Variants in TIAM2 observed in about 807,000 individuals in gnomAD.
The protein encoded by TIAM2 is rho guanine nucleotide exchange factor TIAM2.
A neutral mutation model predicts 152.9 loss-of-function variants in TIAM2; 80 were observed. The ratio of observed to expected loss-of-function variants is 0.52; its 90% CI spans 0.44 to 0.63. The LOEUF (loss-of-function observed/expected upper bound fraction) is 0.63. TIAM2 is among the 30% of genes least tolerant of loss of function. The probability of loss-of-function intolerance (pLI) is 0.00; values close to 1 mark genes in which losing one functional copy is unlikely to be tolerated. For missense variants in TIAM2, 1,965 were observed against 2,120.1 expected, an observed-to-expected ratio of 0.93 and a Z score of 1.44; for synonymous variants, 804 against 838.0, an observed-to-expected ratio of 0.96 and a Z score of 0.70.
intron 1 of TIAM2, among the ~76,000 whole-genome samples, chr6:155,028,844 G>T: frequency 7.8e-6 from 1 of 128,432 alleles, no homozygotes; most frequent in African/African-American, 2.9e-5. Context: ...TATATACTAT[G>T]TTATATATAC....
At chr6:155,096,764 C>T (rs556120934) in intron 2 of TIAM2, among the ~76,000 whole-genome samples, 2 of 152,144 alleles carry the variant, frequency 1.3e-5, no homozygotes, top group South Asian at 4.1e-4. Context: ...TTGATGGGTA[C>T]TTAGGTTGAT....
At chr6:155,108,937 T>C (rs1229988949) in intron 2 of TIAM2, among the ~76,000 whole-genome samples, 1 of 152,220 alleles carries the variant, frequency 6.6e-6, no homozygotes, top group African/African-American at 2.4e-5. Context: ...TTCCCTTATG[T>C]GATTATAATA....
At chr6:155,171,235 G>A (rs1780579864) in intron 9 of TIAM2, among the ~76,000 whole-genome samples, 1 of 152,176 alleles carries the variant, frequency 6.6e-6, no homozygotes, top group African/African-American at 2.4e-5. Context: ...TGTTAAGTCT[G>A]GAATAAAGCC....
chr6:155,064,685 C>G (rs1480021324), intron 1 of TIAM2, among the ~76,000 whole-genome samples: 2 of 152,190 alleles, frequency 1.3e-5, no homozygotes, highest in Non-Finnish European at 2.9e-5. Flanking sequence ...TAATTATGCT[C>G]CATGGCTTGT....
At chr6:155,182,642 A>G (rs1780934712) in intron 13 of TIAM2, among the ~76,000 whole-genome samples, 1 of 152,168 alleles carries the variant, frequency 6.6e-6, no homozygotes, top group African/African-American at 2.4e-5. Context: ...GCATATGCCT[A>G]TATATAGAGA....
intron 2 of TIAM2, among the ~76,000 whole-genome samples, chr6:155,101,003 T>A: frequency 6.6e-6 from 1 of 152,152 alleles, no homozygotes; most frequent in Non-Finnish European, 1.5e-5. Context: ...GCACGTCAGT[T>A]GTACATTTGC....
At chr6:155,097,548 C>T (rs1031037245) in intron 2 of TIAM2, among the ~76,000 whole-genome samples, 5 of 152,114 alleles carry the variant, frequency 3.3e-5, no homozygotes, top group African/African-American at 4.8e-5. Context: ...GTTCTGTTGC[C>T]CAGGCTGGCC....
intron 1 of TIAM2, among the ~76,000 whole-genome samples, chr6:155,029,478 AT>A (rs1776762410): frequency 8.5e-5 from 2 of 23,444 alleles, no homozygotes; most frequent in East Asian, 9.0e-4. Flanking sequence ...ATACTATAGT[AT>A]ATATACTATA....
intron 2 of TIAM2, among the ~76,000 whole-genome samples, chr6:155,112,212 G>A (rs543862725): frequency 6.2e-5 from 9 of 145,268 alleles, no homozygotes; most frequent in African/African-American, 2.3e-4. Context: ...TGCAACCTCC[G>A]CCTCCCAGGT....
chr6:155,083,322 C>T (rs1271096453), intron 1 of TIAM2, among the ~76,000 whole-genome samples: 1 of 138,566 alleles, frequency 7.2e-6, no homozygotes, highest in East Asian at 2.1e-4. Flanking sequence ...GCACTCCAGT[C>T]TGGGCAACAG....
In TIAM2 at chr6:155,174,388, T is replaced by G. The variant is rs908170569; in HGVS notation, c.2362-2428T>G. Among the ~76,000 whole-genome samples the G allele has an allele frequency of 2.0e-5, 3 of 151,966 alleles. No homozygotes were observed. The highest frequency in any genetic ancestry group is 1.3e-4 in the Admixed American group (2 of 15,262). ...ACGAGATGCAGTCTTTTTTTTTTTT[T>G]GAGATGGAGCCTCCCTCTGTCGCCC... On this transcript the variant is annotated intron_variant, in intron 9 of 26. Coordinates refer to ENST00000682666, the MANE Select transcript of TIAM2 (RefSeq NM_012454.4). This position sits in a 1 kb window ranked among gnomAD's most constrained non-coding sequence, Gnocchi z 4.2.
intron 15 of TIAM2, among the ~76,000 whole-genome samples, chr6:155,223,058 C>A (rs1782112754): frequency 6.6e-6 from 1 of 152,124 alleles, no homozygotes; most frequent in African/African-American, 2.4e-5. Flanking sequence ...TTATTTCAAG[C>A]AGACCATTTG....
intron 15 of TIAM2, among the ~76,000 whole-genome samples, chr6:155,216,475 A>G (rs1781863892): frequency 6.6e-6 from 1 of 152,218 alleles, no homozygotes; most frequent in Non-Finnish European, 1.5e-5. Context: ...ATTTCTGCAA[A>G]TGGTTCCTAA....
At chr6:155,004,011 T>C (rs1778358855) in intron 1 of TIAM2, among the ~76,000 whole-genome samples, 1 of 152,206 alleles carries the variant, frequency 6.6e-6, no homozygotes, top group Non-Finnish European at 1.5e-5. Context: ...GTGAGATGTT[T>C]TGCACTTATG....
At chr6:155,165,186 A>G in intron 8 of TIAM2, 77 bp from the exon 9 acceptor site, 1 of 1,422,632 alleles carries the variant, frequency 7.0e-7, no homozygotes, top group Non-Finnish European at 9.5e-7. Flanking sequence ...TATAGCAAGC[A>G]GAGCTCACTT....
chr6:155,029,976 A>G (rs1438919866), intron 1 of TIAM2, among the ~76,000 whole-genome samples: 3 of 151,716 alleles, frequency 2.0e-5, no homozygotes, highest in Non-Finnish European at 4.4e-5. Flanking sequence ...TATGTTTTGT[A>G]GAGATGGGGG....
intron 1 of TIAM2, among the ~76,000 whole-genome samples, chr6:155,079,353 C>T (rs1260976672): frequency 6.6e-6 from 1 of 152,162 alleles, no homozygotes; most frequent in African/African-American, 2.4e-5. Flanking sequence ...TGAGCCTCCT[C>T]GCCTGGACCC....
At chr6:155,239,936 A>C (rs1782950287) in intron 15 of TIAM2, among the ~76,000 whole-genome samples, 1 of 151,782 alleles carries the variant, frequency 6.6e-6, no homozygotes, top group Non-Finnish European at 1.5e-5. Context: ...CTCCATTACT[A>C]GCATGTGCAC....
At chr6:155,022,740 T>C (rs1776523231) in intron 1 of TIAM2, among the ~76,000 whole-genome samples, 1 of 152,210 alleles carries the variant, frequency 6.6e-6, no homozygotes, top group Non-Finnish European at 1.5e-5. Flanking sequence ...GCAGAAGCAA[T>C]GCAATGCTTA....
Sources: allele counts gnomAD v4.1 joint callset (sites outside exome capture counted in the v4.1 genomes callset), GRCh38; gene constraint gnomAD v4.1.1; non-coding constraint Gnocchi (gnomAD v3.1); transcripts MANE v1.5; gene names NCBI Gene and HGNC (gene_info 2026-07-23, HGNC 2026-07-21).